The following CAAP1 variants were observed in gnomAD, a reference collection of about 807,000 sequenced individuals.
The protein encoded by CAAP1 is caspase activity and apoptosis inhibitor 1, also known as conserved anti-apoptotic protein.
CAAP1 carries 20 observed loss-of-function variants against 34.0 expected under a neutral mutation model. The observed-to-expected ratio is 0.59, with a 90% CI of 0.41 to 0.86. CAAP1 has a LOEUF of 0.86. Ranked by LOEUF, CAAP1 falls within the 40% of genes least tolerant of loss-of-function variation. CAAP1 has a pLI of 0.00. For missense variants in CAAP1, 538 were observed against 450.5 expected, an observed-to-expected ratio of 1.19 and a Z score of -1.76; for synonymous variants, 213 against 166.7, an observed-to-expected ratio of 1.28 and a Z score of -2.14.
chr9:26,855,320 TG>T (rs1382732708), intron 5 of CAAP1, among the ~76,000 whole-genome samples: 3 of 151,948 alleles, frequency 2.0e-5, no homozygotes, highest in East Asian at 1.9e-4. Flanking sequence ...TGTCAGGAGT[TG>T]GGGGGGAGAG....
intron 4 of CAAP1, among the ~76,000 whole-genome samples, chr9:26,878,838 C>T (rs1299497493): frequency 6.6e-6 from 1 of 152,016 alleles, no homozygotes; most frequent in Non-Finnish European, 1.5e-5. Context: ...CCAACGCTTT[C>T]CTCTAGGATC....
chr9:26,877,051 A>C (rs900690562), intron 4 of CAAP1, among the ~76,000 whole-genome samples: 13 of 152,102 alleles, frequency 8.5e-5, no homozygotes, highest in African/African-American at 3.1e-4. Flanking sequence ...CTGCTTGGGA[A>C]GCTGAGGCGG....
intron 5 of CAAP1, 115 bp downstream of exon 5, chr9:26,860,951 G>T: frequency 1.4e-6 from 1 of 721,376 alleles, no homozygotes; most frequent in Non-Finnish European, 2.5e-6. Flanking sequence ...CAAATAAATT[G>T]CTCTCTTCCT....
intron 4 of CAAP1, among the ~76,000 whole-genome samples, chr9:26,864,348 T>C (rs1170485686): frequency 6.6e-6 from 1 of 152,098 alleles, no homozygotes; most frequent in East Asian, 1.9e-4. Flanking sequence ...GTTAAAAATA[T>C]ATTTCTAAAT....
chr9:26,858,465 T>C (rs1221533541), intron 5 of CAAP1, among the ~76,000 whole-genome samples: 1 of 152,202 alleles, frequency 6.6e-6, no homozygotes, highest in Non-Finnish European at 1.5e-5. Context: ...CAATAAAACA[T>C]TTTATATTTT....
At chr9:26,843,517 A>G (rs1306352846) in intron 5 of CAAP1, among the ~76,000 whole-genome samples, 1 of 151,536 alleles carries the variant, frequency 6.6e-6, no homozygotes, top group Non-Finnish European at 1.5e-5. Context: ...TTTAAGTTTT[A>G]GGGTACATGT....
chr9:26,870,200 T>C (rs1169251262), intron 4 of CAAP1, among the ~76,000 whole-genome samples: 1 of 152,088 alleles, frequency 6.6e-6, no homozygotes, highest in Non-Finnish European at 1.5e-5. Flanking sequence ...TGCCCTGCCA[T>C]TCTAAGGAAA....
At chr9:26,848,603 C>G (rs552421086) in intron 5 of CAAP1, among the ~76,000 whole-genome samples, 1 of 152,352 alleles carries the variant, frequency 6.6e-6, no homozygotes, top group Admixed American at 6.5e-5. Context: ...ACCTATGCCA[C>G]AAGTGTTTAC....
chr9:26,867,276 A>G (rs1823162682), intron 4 of CAAP1, among the ~76,000 whole-genome samples: 4 of 152,196 alleles, frequency 2.6e-5, no homozygotes, highest in Admixed American at 2.6e-4. Flanking sequence ...TTCTATCTCC[A>G]AAGCCAACAT....
At chr9:26,872,200 G>C (rs970618154) in intron 4 of CAAP1, among the ~76,000 whole-genome samples, 1 of 152,126 alleles carries the variant, frequency 6.6e-6, no homozygotes, top group Non-Finnish European at 1.5e-5. Flanking sequence ...TACTGCAAAA[G>C]CAGTCATTAA....
At chr9:26,865,078 AAAT>A (rs1397138887) in intron 4 of CAAP1, among the ~76,000 whole-genome samples, 15 of 152,318 alleles carry the variant, frequency 9.8e-5, no homozygotes, top group South Asian at 4.1e-4. Context: ...AATTTATAGA[AAAT>A]AATGTCAATA....
chr9:26,887,241 G>A, intron 2 of CAAP1, 72 bp downstream of exon 2: 1 of 1,023,742 alleles, frequency 9.8e-7, no homozygotes, highest in Non-Finnish European at 1.4e-6. Context: ...ACCGCATTAA[G>A]TAAAACAAAA....
intron 4 of CAAP1, among the ~76,000 whole-genome samples, chr9:26,865,948 G>A (rs1360167531): frequency 1.3e-5 from 2 of 152,138 alleles, no homozygotes; most frequent in African/African-American, 4.8e-5. Context: ...CCAGGTTCCA[G>A]GGATTCTCCT....
intron 5 of CAAP1, among the ~76,000 whole-genome samples, chr9:26,860,195 CTTATT>C (rs2131309039): frequency 6.6e-6 from 1 of 152,210 alleles, no homozygotes; most frequent in East Asian, 1.9e-4. Context: ...CTAATAAAAA[CTTATT>C]TTACTTTCAA....
At chr9:26,891,526 C>T (rs902821396) in intron 1 of CAAP1, among the ~76,000 whole-genome samples, 3 of 152,088 alleles carry the variant, frequency 2.0e-5, no homozygotes, top group Non-Finnish European at 2.9e-5. Flanking sequence ...CAACATAACT[C>T]TTGTAGGAGA....
chr9:26,867,777 G>A (rs1210674609), intron 4 of CAAP1, among the ~76,000 whole-genome samples: 1 of 151,950 alleles, frequency 6.6e-6, no homozygotes, highest in Admixed American at 6.6e-5. Flanking sequence ...TTACCATATT[G>A]CAAAATATTT....
chr9:26,866,138 C>T (rs976100100), intron 4 of CAAP1, among the ~76,000 whole-genome samples: 1 of 145,704 alleles, frequency 6.9e-6, no homozygotes, highest in African/African-American at 2.8e-5. Context: ...TGAGCCACCA[C>T]ACACATGGCC....
chr9:26,859,575 A>G (rs1429378989), intron 5 of CAAP1, among the ~76,000 whole-genome samples: 1 of 152,236 alleles, frequency 6.6e-6, no homozygotes, highest in Non-Finnish European at 1.5e-5. Flanking sequence ...AAGAAACAGT[A>G]GCAGTGTAGT....
chr9:26,882,576 G>A (rs540355328), intron 4 of CAAP1, among the ~76,000 whole-genome samples: 4 of 152,272 alleles, frequency 2.6e-5, no homozygotes, highest in African/African-American at 9.6e-5. Context: ...ATCTCTGCTA[G>A]GGCAGTGCAG....
Sources: allele counts gnomAD v4.1 joint callset (sites outside exome capture counted in the v4.1 genomes callset), GRCh38; gene constraint gnomAD v4.1.1; transcripts MANE v1.5; gene names NCBI Gene and HGNC (gene_info 2026-07-23, HGNC 2026-07-21).